WWOX: variants seen among roughly 807,000 people sequenced by gnomAD.
WWOX encodes WW domain containing oxidoreductase, also known as WW domain-containing oxidoreductase.
WWOX carries 69 observed loss-of-function variants against 46.2 expected under a neutral mutation model. The ratio of observed to expected loss-of-function variants is 1.49; its 90% CI spans 1.23 to 1.82. WWOX has a LOEUF of 1.82. Among genes scored for constraint, WWOX ranks in the 40% most tolerant of loss-of-function variants. The pLI is 0.00. For missense variants in WWOX, 919 were observed against 542.6 expected (o/e 1.69, Z -6.89); for synonymous variants, 359 against 202.6 (o/e 1.77, Z -6.56).
chr16:78,923,453 T>C (rs2045426097), intron 8 of WWOX, among the ~76,000 whole-genome samples: 1 of 152,210 alleles, frequency 6.6e-6, no homozygotes, highest in African/African-American at 2.4e-5. Context: ...CTACCTTTCC[T>C]AATATCTAGT....
Position 78,606,718 on chromosome 16 carries a change from GTTTT to G in WWOX, c.1056+173987_1056+173990del, listed in dbSNP as rs59612285. Among the ~76,000 whole-genome samples the G allele has an allele frequency of 1.8e-3, 222 of 121,068 alleles. 4 individuals carry two copies. The highest frequency in any genetic ancestry group is 2.4e-3 in the Non-Finnish European group (147 of 61,330). 79.4% of individuals were successfully genotyped at this position (121,068 alleles called of 152,430 possible). ...GAAAGGGCATTTCCCCAGAATTGCAGTTTTTTTTTTTTTTTTTTTTTTTTAAATA... is the reference window on the plus strand; with the variant it reads ...GAAAGGGCATTTCCCCAGAATTGCAGTTTTTTTTTTTTTTTTTTTTAAATA... On this transcript the variant is annotated intron_variant, in intron 8 of 8. Coordinates refer to ENST00000566780, the MANE Select transcript of WWOX (RefSeq NM_016373.4).
chr16:78,543,171 C>G (rs1597240281), intron 8 of WWOX, among the ~76,000 whole-genome samples: 1 of 152,218 alleles, frequency 6.6e-6, no homozygotes, highest in East Asian at 1.9e-4. Flanking sequence ...TGTGATCTCA[C>G]AGCTGCTACA....
At chr16:78,751,933 G>A (rs1299084248) in intron 8 of WWOX, among the ~76,000 whole-genome samples, 2 of 152,154 alleles carry the variant, frequency 1.3e-5, no homozygotes, top group South Asian at 4.1e-4. Context: ...ACCCAACTGT[G>A]TCTTTCTTCT....
At chr16:78,565,743 G>C (rs1240667139) in intron 8 of WWOX, among the ~76,000 whole-genome samples, 4 of 152,148 alleles carry the variant, frequency 2.6e-5, no homozygotes, top group East Asian at 1.9e-4. Context: ...CTCATCCATA[G>C]AGCAGGGATA....
chr16:78,208,994 A>T (rs1398308375), intron 5 of WWOX, among the ~76,000 whole-genome samples: 2 of 152,106 alleles, frequency 1.3e-5, no homozygotes, highest in Middle Eastern at 3.2e-3. Context: ...GTGTGTTTAA[A>T]ATGTGGGTGG....
intron 8 of WWOX, among the ~76,000 whole-genome samples, chr16:78,655,051 C>G (rs1249125000): frequency 6.6e-6 from 1 of 152,058 alleles, no homozygotes; most frequent in African/African-American, 2.4e-5. Context: ...TGTGCCTTTC[C>G]CCAAGTCTTC....
chr16:78,985,262 T>C (rs561130161), intron 8 of WWOX, among the ~76,000 whole-genome samples: 233 of 152,348 alleles, frequency 1.5e-3, no homozygotes, highest in African/African-American at 5.2e-3. Flanking sequence ...CGCTGTCTTC[T>C]GTCACTCTGT....
At chr16:78,474,862 T>A (rs2084318265) in intron 8 of WWOX, among the ~76,000 whole-genome samples, 1 of 152,232 alleles carries the variant, frequency 6.6e-6, no homozygotes, top group Non-Finnish European at 1.5e-5. Context: ...GTCCTTTCAC[T>A]TTGCATGCAT....
Position 78,321,522 on chromosome 16 carries a change from C to T in WWOX, c.517-65338C>T, listed in dbSNP as rs1381028242. ...CTTGGAGTGGATTCGTAGTCTGCCA[C>T]GAGAATCCTTGTCTGATGTTTGTGG... On this transcript the variant is annotated intron_variant, in intron 5 of 8. Transcript: ENST00000566780. Among the ~76,000 whole-genome samples the T allele has an allele frequency of 2.0e-5, 3 of 151,600 alleles. No homozygotes were observed. The East Asian group carries it at 5.8e-4, about 29-fold the overall frequency.
intron 8 of WWOX, among the ~76,000 whole-genome samples, chr16:78,625,340 C>G (rs988513782): frequency 6.6e-6 from 1 of 152,176 alleles, no homozygotes; most frequent in Non-Finnish European, 1.5e-5. Context: ...CCAAGGCCAG[C>G]GTGTTCCATT....
intron 6 of WWOX, among the ~76,000 whole-genome samples, chr16:78,398,487 C>T (rs1463576623): frequency 1.3e-5 from 2 of 152,202 alleles, no homozygotes; most frequent in Non-Finnish European, 2.9e-5. Flanking sequence ...GCTTGTGTCA[C>T]GTCCTCTACA....
chr16:78,672,694 G>C (rs16948295), intron 8 of WWOX, among the ~76,000 whole-genome samples: 3 of 152,140 alleles, frequency 2.0e-5, no homozygotes, highest in Non-Finnish European at 4.4e-5. Context: ...TTTTAAAAAC[G>C]GGAATGACCA....
At chr16:78,130,951 A>T (rs983554478) in intron 4 of WWOX, among the ~76,000 whole-genome samples, 2 of 152,232 alleles carry the variant, frequency 1.3e-5, no homozygotes, top group African/African-American at 2.4e-5. Flanking sequence ...GGTATAACCC[A>T]TTATACACAG....
chr16:78,545,829 G>A (rs74029543), intron 8 of WWOX, among the ~76,000 whole-genome samples: 4,344 of 152,170 alleles, frequency 0.029, 160 homozygotes, highest in African/African-American at 0.086. Flanking sequence ...CTGTCCTCAC[G>A]TGGCCTTCCG....
At chr16:78,738,068 C>T (rs2049131180) in intron 8 of WWOX, among the ~76,000 whole-genome samples, 1 of 152,182 alleles carries the variant, frequency 6.6e-6, no homozygotes, top group Non-Finnish European at 1.5e-5. Flanking sequence ...TCCTAAGTGG[C>T]AGCTGCCCAC....
rs1171337117 is a variant in WWOX, at chr16:78,967,458, G to GTTT, written c.1057-244150_1057-244149insTTT. On this transcript the variant is annotated intron_variant, in intron 8 of 8. Coordinates refer to ENST00000566780, the MANE Select transcript of WWOX (RefSeq NM_016373.4). The stretch of plus-strand genomic sequence containing the variant: ...ACCAACATGCCTGGTTAATTTTTGT[G>GTTT]GTTTTTTTTTTTTTTTTTTTTTTCC... Among the ~76,000 whole-genome samples the GTTT allele has an allele frequency of 6.9e-4, 63 of 91,456 alleles. 2 individuals are homozygous for GTTT. The highest frequency in any genetic ancestry group is 5.6e-3 in the Middle Eastern group (1 of 180). 60.0% of individuals were successfully genotyped at this position (91,456 alleles called of 152,430 possible).
intron 8 of WWOX, among the ~76,000 whole-genome samples, chr16:79,200,799 G>T (rs1399076004): frequency 5.3e-5 from 8 of 152,164 alleles, no homozygotes; most frequent in Non-Finnish European, 1.2e-4. Flanking sequence ...ATTGTACCTG[G>T]GCTCAGTGGT....
chr16:78,423,241 CTGTG>C (rs530888677), intron 6 of WWOX, among the ~76,000 whole-genome samples: 1 of 152,030 alleles, frequency 6.6e-6, no homozygotes, highest in African/African-American at 2.4e-5. Context: ...TTCTCTGTTT[CTGTG>C]TGTGTCTGTG....
chr16:78,373,507 G>C (rs1485102509), intron 5 of WWOX, among the ~76,000 whole-genome samples: 1 of 152,214 alleles, frequency 6.6e-6, no homozygotes, highest in Non-Finnish European at 1.5e-5. Context: ...CCTCAATGCA[G>C]TGTGGGTTAG....
Sources: gnomAD v4.1 joint callset for allele counts (sites outside exome capture counted in the v4.1 genomes callset) on GRCh38, gnomAD v4.1.1 for gene constraint, MANE v1.5 for transcripts, NCBI Gene and HGNC (gene_info 2026-07-23, HGNC 2026-07-21) for gene names.